The following C17orf99 variants were observed in gnomAD, a reference collection of about 807,000 sequenced individuals.
C17orf99 encodes the protein chromosome 17 open reading frame 99, also known as protein IL-40.
A neutral mutation model predicts 22.6 loss-of-function variants in C17orf99; 18 were observed. That is an observed-to-expected ratio of 0.80 (90% CI 0.55 to 1.18). C17orf99 has a LOEUF of 1.18. Among genes scored for constraint, C17orf99 ranks in the 50% most tolerant of loss-of-function variants. C17orf99 has a pLI of 0.00. For synonymous variants in C17orf99, 147 were observed against 136.6 expected, an observed-to-expected ratio of 1.08 and a Z score of -0.53; for missense variants, 328 against 342.7, an observed-to-expected ratio of 0.96 and a Z score of 0.34.
intron 2 of C17orf99, among the ~76,000 whole-genome samples, chr17:78,147,190 T>C (rs1285672370): frequency 1.3e-5 from 2 of 152,160 alleles, no homozygotes; most frequent in Admixed American, 1.3e-4. Context: ...GGAGGGAAGA[T>C]TCCCTGGGCA....
chr17:78,165,584 C>T (rs974679359), intron 4 of C17orf99: 1 of 987,908 alleles, frequency 1.0e-6, no homozygotes, highest in African/African-American at 1.7e-5. Flanking sequence ...AGGCGAATCA[C>T]CTGAGGTCAG....
intron 2 of C17orf99, among the ~76,000 whole-genome samples, chr17:78,149,712 AT>A (rs547613367): frequency 0.029 from 4,025 of 140,994 alleles, 75 homozygotes; most frequent in African/African-American, 0.06. Context: ...ATTTAATTTA[AT>A]TTTTTTTTTT....
intron 2 of C17orf99, among the ~76,000 whole-genome samples, chr17:78,156,723 T>C (rs1044092520): frequency 2.0e-5 from 3 of 152,142 alleles, no homozygotes; most frequent in African/African-American, 7.2e-5. Context: ...TAAGTGATCC[T>C]CTCCCCTCAA....
At chr17:78,145,938 GGC>G (rs2075434627), upstream of C17orf99, among the ~76,000 whole-genome samples, 6 of 152,036 alleles carry the variant, frequency 3.9e-5, no homozygotes, top group Non-Finnish European at 5.9e-5. Flanking sequence ...TGGGATTACA[GGC>G]GCACGCCACC....
chr17:78,156,786 GTTTA>G (rs1013701933), intron 2 of C17orf99, among the ~76,000 whole-genome samples: 6 of 151,854 alleles, frequency 4.0e-5, no homozygotes, highest in African/African-American at 1.2e-4. Flanking sequence ...GGCTAATTTT[GTTTA>G]TTTATTTATT....
Position 78,146,823 on chromosome 17 carries a change from C to G in C17orf99, c.38-56C>G. The G allele has an allele frequency of 6.6e-7, 1 of 1,523,922 alleles. No individual in the cohort carries two copies. Among genetic ancestry groups the G allele is most frequent in the Non-Finnish European group, 8.9e-7 (1 of 1,122,728 alleles). 94.4% of individuals were successfully genotyped at this position (1,523,922 alleles called of 1,614,324 possible). ...TTCAGCAGGTGGGTCTCGAGGCTGT[C>G]TCTGGTCTCCCCTCCACACCAGGCC... On this transcript the variant is annotated intron_variant, in intron 1 of 4. Coordinates refer to ENST00000340363, the MANE Select transcript of C17orf99 (RefSeq NM_001163075.2). The surrounding 1 kb of genome is among the most constrained non-coding windows in gnomAD (Gnocchi z 5.2).
At chr17:78,153,123 T>C (rs1670125510) in intron 2 of C17orf99, among the ~76,000 whole-genome samples, 1 of 151,918 alleles carries the variant, frequency 6.6e-6, no homozygotes, top group Non-Finnish European at 1.5e-5. Context: ...GACCATCCTT[T>C]ATTGGCAGGC....
At chr17:78,154,605 G>GT (rs942246240) in intron 2 of C17orf99, among the ~76,000 whole-genome samples, 1 of 151,872 alleles carries the variant, frequency 6.6e-6, no homozygotes, top group Non-Finnish European at 1.5e-5. Context: ...CACTTTGGGG[G>GT]GCTGAGGCAG....
At chr17:78,153,631 T>C (rs2075502379) in intron 2 of C17orf99, among the ~76,000 whole-genome samples, 1 of 152,166 alleles carries the variant, frequency 6.6e-6, no homozygotes, top group African/African-American at 2.4e-5. Context: ...TTTTTGTAAG[T>C]CAAGATCGTT....
intron 2 of C17orf99, among the ~76,000 whole-genome samples, chr17:78,153,908 A>G (rs1206843299): frequency 1.3e-5 from 2 of 149,136 alleles, no homozygotes; most frequent in Non-Finnish European, 3.0e-5. Flanking sequence ...AAAAAAAAAA[A>G]GTATTCCTTC....
chr17:78,148,219 T>TAAAAA (rs34982417), intron 2 of C17orf99, among the ~76,000 whole-genome samples: 4 of 140,660 alleles, frequency 2.8e-5, no homozygotes, highest in African/African-American at 2.7e-5. Context: ...CCCCATCTCT[T>TAAAAA]AAAAAAAAAA....
chr17:78,165,483 G>T (rs1567824108), intron 4 of C17orf99: 1 of 986,084 alleles, frequency 1.0e-6, no homozygotes, highest in Non-Finnish European at 1.2e-6. Context: ...TTCTGCTGGG[G>T]CACTGATGTG....
intron 4 of C17orf99, chr17:78,165,332 T>C (rs1016654467): frequency 1.0e-6 from 1 of 985,506 alleles, no homozygotes; most frequent in African/African-American, 1.7e-5. Context: ...CTTGGCACTT[T>C]CCCATCTCAC....
chr17:78,146,360 A>C, upstream of C17orf99: 8 of 1,538,774 alleles, frequency 5.2e-6, no homozygotes, highest in Non-Finnish European at 7.0e-6. The surrounding 1 kb of genome is among the most constrained non-coding windows in gnomAD (Gnocchi z 5.2). Context: ...GAGGCCAGGA[A>C]CTAGGAGGTT....
intron 3 of C17orf99, among the ~76,000 whole-genome samples, chr17:78,162,726 T>G (rs567445263): frequency 6.6e-6 from 1 of 152,298 alleles, no homozygotes; most frequent in East Asian, 1.9e-4. Context: ...GGGAGAATCC[T>G]TTGAAGCCAA....
intron 2 of C17orf99, among the ~76,000 whole-genome samples, chr17:78,160,534 T>TAA (rs372825479): frequency 1.1e-3 from 151 of 135,222 alleles, no homozygotes; most frequent in African/African-American, 2.9e-3. Flanking sequence ...AGACTCCATC[T>TAA]AAAAAAAAAA....
intron 2 of C17orf99, chr17:78,159,069 C>T (rs2075551972): frequency 6.2e-6 from 1 of 160,566 alleles, no homozygotes; most frequent in Admixed American, 6.5e-5. Flanking sequence ...TTTACCCTTC[C>T]CTGCAGGCTC....
chr17:78,161,085 C>T lies in C17orf99; in HGVS notation c.201C>T (p.Asn67=). The T allele has an allele frequency of 1.3e-6, 2 of 1,551,804 alleles. No individual in the cohort carries two copies. Among genetic ancestry groups the T allele is most frequent in the African/African-American group, 1.4e-5 (1 of 73,178 alleles). ...CCTATTCCCTCTGTGGAACCAAGAA[C>T]ATCAAGGTGGCCAAGAAGGTGGTGA... ...PITYSLCGTK[N]IKVAKKVVKT... Residue 67 remains asparagine (N), a synonymous_variant, in exon 3 of 5, where the codon AAC becomes AAT. Coordinates refer to ENST00000340363, the MANE Select transcript of C17orf99 (RefSeq NM_001163075.2).
intron 3 of C17orf99, among the ~76,000 whole-genome samples, chr17:78,162,845 G>T (rs906528082): frequency 2.6e-5 from 4 of 152,132 alleles, no homozygotes; most frequent in African/African-American, 7.2e-5. Flanking sequence ...AACTGCAGTG[G>T]CACGATCTCG....
Sources: gnomAD v4.1 joint callset for allele counts (sites outside exome capture counted in the v4.1 genomes callset) on GRCh38, gnomAD v4.1.1 for gene constraint, Gnocchi (gnomAD v3.1) non-coding constraint, MANE v1.5 for transcripts, NCBI Gene and HGNC (gene_info 2026-07-23, HGNC 2026-07-21) for gene names.